RBMS1: variants seen among roughly 807,000 people sequenced by gnomAD.
RBMS1 encodes the protein RNA binding motif single stranded interacting protein 1, also known as RNA-binding motif, single-stranded-interacting protein 1.
In RBMS1, 17 loss-of-function variants were observed where a neutral mutation model predicts 62.3. The ratio of observed to expected loss-of-function variants is 0.27; its 90% CI spans 0.19 to 0.41. The LOEUF (loss-of-function observed/expected upper bound fraction) is 0.41. Among genes scored for constraint, RBMS1 ranks in the 10% least tolerant of loss-of-function variants. RBMS1 has a pLI of 1.00. For missense variants in RBMS1, 334 were observed against 504.5 expected (o/e 0.66, Z 3.24); for synonymous variants, 172 against 170.0 (o/e 1.01, Z -0.09).
chr2:160,309,541 C>T (rs1159261354), intron 4 of RBMS1, among the ~76,000 whole-genome samples: 1 of 152,118 alleles, frequency 6.6e-6, no homozygotes, highest in African/African-American at 2.4e-5. Flanking sequence ...CAGAAAGGGG[C>T]TGAAGATAGA....
At chr2:160,406,272 A>C (rs1695701383) in intron 1 of RBMS1, among the ~76,000 whole-genome samples, 1 of 152,210 alleles carries the variant, frequency 6.6e-6, no homozygotes, top group Non-Finnish European at 1.5e-5. Context: ...CACTGCCAAA[A>C]TACTTGCAAA....
chr2:160,407,748 G>C, intron 1 of RBMS1: 1 of 981,316 alleles, frequency 1.0e-6, no homozygotes, highest in Non-Finnish European at 1.2e-6. Context: ...GTACGGCGCG[G>C]CAGCGGGCGA....
intron 5 of RBMS1, among the ~76,000 whole-genome samples, chr2:160,301,783 A>G (rs557192171): frequency 2.6e-5 from 4 of 152,342 alleles, no homozygotes; most frequent in African/African-American, 9.6e-5. Flanking sequence ...TTTGGCAGTT[A>G]GGTAACAATG....
intron 4 of RBMS1, among the ~76,000 whole-genome samples, chr2:160,312,445 T>C (rs989933283): frequency 6.6e-6 from 1 of 152,232 alleles, no homozygotes; most frequent in Non-Finnish European, 1.5e-5. Flanking sequence ...ATATTAAGCA[T>C]GAAACATGGT....
At position 160,364,623 on chromosome 2, in the gene RBMS1, G is replaced by T. The variant is rs77016500; in HGVS notation, c.251+2593C>A. ...CAACATCTGCTTTTCCACTGTAACC[G>T]CCTCTAACATTACAGCATCTCTATG... On this transcript the variant is annotated intron_variant, in intron 2 of 13. Transcript: ENST00000348849. 2.0e-5 allele frequency among the ~76,000 whole-genome samples: 3 copies of T among 152,184 alleles called. No individual in the cohort carries two copies. The East Asian group carries it at 5.8e-4, about 29-fold the overall frequency.
intron 1 of RBMS1, among the ~76,000 whole-genome samples, chr2:160,372,230 T>C (rs1693763020): frequency 6.6e-6 from 1 of 152,030 alleles, no homozygotes; most frequent in South Asian, 2.1e-4. Flanking sequence ...CTAGTACGTT[T>C]TGAAGGGAAA....
At chr2:160,370,413 T>A (rs1693660959) in intron 1 of RBMS1, among the ~76,000 whole-genome samples, 1 of 152,164 alleles carries the variant, frequency 6.6e-6, no homozygotes, top group African/African-American at 2.4e-5. Flanking sequence ...GGTGGGTGGA[T>A]CACGGAGTCA....
chr2:160,281,993 G>C, intron 9 of RBMS1: 1 of 307,616 alleles, frequency 3.3e-6, no homozygotes, highest in South Asian at 3.0e-5. Flanking sequence ...CCACACAGTA[G>C]ACCCTCTGAA....
Position 160,328,251 on chromosome 2 carries a change from T to C in RBMS1, c.252-10024A>G, listed in dbSNP as rs1691062823. Among the ~76,000 whole-genome samples, 3 of 152,318 alleles carry C rather than the reference T, an allele frequency of 2.0e-5. No homozygotes were observed. In the South Asian group the frequency reaches 6.2e-4, roughly 32 times the overall value. ...ATATTCAATGACTAATAAGTGTTAT[T>C]CTTTTCTCCCATACCCTTCAATTAA... is the stretch of plus-strand genomic sequence containing the variant. On this transcript the variant is annotated intron_variant, in intron 2 of 13. Transcript: ENST00000348849.
chr2:160,311,232 C>CTATATATCTATATATCTATATA (rs1689866017), intron 4 of RBMS1, among the ~76,000 whole-genome samples: 5,502 of 78,674 alleles, frequency 0.07, 321 homozygotes, highest in Middle Eastern at 0.12. Flanking sequence ...ATCTATCTAT[C>CTATATATCTATATATCTATATA]TATATATATA....
intron 4 of RBMS1, among the ~76,000 whole-genome samples, chr2:160,307,834 C>A (rs1053271625): frequency 1.3e-5 from 2 of 152,200 alleles, no homozygotes; most frequent in African/African-American, 2.4e-5. Flanking sequence ...AGAATAAAAA[C>A]CAACCACTGG....
At chr2:160,474,399 C>T (rs573667911) in intron 1 of RBMS1, among the ~76,000 whole-genome samples, 14 of 152,300 alleles carry the variant, frequency 9.2e-5, no homozygotes, top group African/African-American at 3.1e-4. Context: ...TAAAACATCA[C>T]TTGATAGGAT....
chr2:160,282,114 G>C (rs1688131840), intron 9 of RBMS1: 1 of 686,860 alleles, frequency 1.5e-6, no homozygotes, highest in Non-Finnish European at 2.3e-6. Context: ...GAGCTTTCCA[G>C]AGTCTAAGTA....
Position 160,285,048 on chromosome 2 carries a change from T to C in RBMS1, c.757-4A>G. 5.6e-6 allele frequency: 9 copies of C among 1,610,476 alleles called. No homozygotes were observed. Among genetic ancestry groups the C allele is most frequent in the Non-Finnish European group, 7.6e-6 (9 of 1,176,710 alleles). On this transcript the variant is annotated splice_region_variant and splice_polypyrimidine_tract_variant and intron_variant, in intron 7 of 13. Transcript: ENST00000348849. ...CGTAAGTAAGTGTCATTCCAGCCTATGGGAAAGAGAAAGAAATATAAACAT... is the reference window on the plus strand; with the variant it reads ...CGTAAGTAAGTGTCATTCCAGCCTACGGGAAAGAGAAAGAAATATAAACAT...
chr2:160,337,354 G>A (rs1023561362), intron 2 of RBMS1, among the ~76,000 whole-genome samples: 2 of 151,832 alleles, frequency 1.3e-5, no homozygotes, highest in Non-Finnish European at 1.5e-5. Context: ...GGCTGGTCTC[G>A]AATTCCTGAC....
At chr2:160,318,573 A>G (rs1049920403) in intron 2 of RBMS1, among the ~76,000 whole-genome samples, 5 of 152,236 alleles carry the variant, frequency 3.3e-5, no homozygotes, top group East Asian at 1.9e-4. Flanking sequence ...GGTAAAATAC[A>G]AAGCCAAATG....
intron 1 of RBMS1, among the ~76,000 whole-genome samples, chr2:160,464,008 A>G (rs1312959833): frequency 1.3e-5 from 2 of 152,206 alleles, no homozygotes; most frequent in Non-Finnish European, 2.9e-5. Context: ...ACAAAACACT[A>G]TTTTACTAAC....
At chr2:160,288,385 A>T (rs1688515456) in intron 6 of RBMS1, among the ~76,000 whole-genome samples, 1 of 152,228 alleles carries the variant, frequency 6.6e-6, no homozygotes, top group African/African-American at 2.4e-5. Context: ...CACTAATGAC[A>T]GGGTGGAAGC....
At chr2:160,360,002 G>T (rs779273415) in intron 2 of RBMS1, among the ~76,000 whole-genome samples, 1 of 152,016 alleles carries the variant, frequency 6.6e-6, no homozygotes, top group African/African-American at 2.4e-5. Flanking sequence ...CAGGAGAATC[G>T]CTTGAACCCG....
Sources: gnomAD v4.1 joint callset for allele counts (sites outside exome capture counted in the v4.1 genomes callset) on GRCh38, gnomAD v4.1.1 for gene constraint, MANE v1.5 for transcripts, NCBI Gene and HGNC (gene_info 2026-07-23, HGNC 2026-07-21) for gene names.